UBAC2: variants seen among roughly 807,000 people sequenced by gnomAD.
UBAC2 encodes UBA domain containing 2, also known as ubiquitin-associated domain-containing protein 2.
A neutral mutation model predicts 44.0 loss-of-function variants in UBAC2; 26 were observed. The ratio of observed to expected loss-of-function variants is 0.59; its 90% CI spans 0.43 to 0.82. UBAC2 has a LOEUF of 0.82. Among genes scored for constraint, UBAC2 ranks in the 40% least tolerant of loss-of-function variants. The pLI, the probability that UBAC2 is intolerant of heterozygous loss-of-function variation, is 0.00. For synonymous variants in UBAC2, 155 were observed against 154.3 expected (o/e 1.00, Z -0.04); for missense variants, 329 against 419.4 (o/e 0.78, Z 1.88).
intron 1 of UBAC2, among the ~76,000 whole-genome samples, chr13:99,236,987 AT>A: frequency 6.7e-6 from 1 of 148,612 alleles, no homozygotes; most frequent in Non-Finnish European, 1.5e-5. Context: ...AAAAAAAAAA[AT>A]AAAACTACCA....
At chr13:99,265,639 G>A (rs959147575) in intron 4 of UBAC2, among the ~76,000 whole-genome samples, 1 of 152,154 alleles carries the variant, frequency 6.6e-6, no homozygotes, top group Admixed American at 6.5e-5. Context: ...GACCTGGCAC[G>A]TGCGTCTTCA....
rs1191676390 is a variant in UBAC2 at position 99,243,757 on chromosome 13, A to G, written c.160-75A>G. On this transcript the variant is annotated intron_variant, in intron 2 of 8. Transcript: ENST00000403766. ...GACATTAAAAATAGGCAGTGTAAAC[A>G]TAACAAATTTGCTAAGGAAGAGACC... The G allele has an allele frequency of 1.2e-5, 17 of 1,386,430 alleles. No homozygotes were observed. In the South Asian group the frequency reaches 2.1e-4, roughly 17 times the overall value. 85.9% of individuals were successfully genotyped at this position (1,386,430 alleles called of 1,614,324 possible). A position where few individuals can be genotyped will look rare whatever the true frequency, so the allele number is the denominator to read the frequency against.
At chr13:99,280,641 C>G (rs1325539437) in intron 4 of UBAC2, among the ~76,000 whole-genome samples, 1 of 152,218 alleles carries the variant, frequency 6.6e-6, no homozygotes, top group Admixed American at 6.5e-5. Context: ...ATCTTACTCT[C>G]TCTTACAGCT....
intron 4 of UBAC2, among the ~76,000 whole-genome samples, chr13:99,289,461 G>A (rs1301355263): frequency 6.6e-6 from 1 of 152,204 alleles, no homozygotes; most frequent in Admixed American, 6.5e-5. Context: ...CGAAAGTGTG[G>A]GAGAGGAACT....
intron 4 of UBAC2, among the ~76,000 whole-genome samples, chr13:99,273,002 CTTT>C (rs201905018): frequency 7.7e-6 from 1 of 130,070 alleles, no homozygotes; most frequent in African/African-American, 2.8e-5. Context: ...ACAGGTTACT[CTTT>C]TTTTTTTTTT....
chr13:99,314,012 A>G (rs1441692243), intron 4 of UBAC2, 85 bp from the exon 5 acceptor site: 14 of 1,280,744 alleles, frequency 1.1e-5, no homozygotes, highest in Admixed American at 2.3e-5. Context: ...AAATAAAATT[A>G]TAAGCAGTGT....
intron 1 of UBAC2, among the ~76,000 whole-genome samples, chr13:99,227,231 C>G (rs765476244): frequency 3.9e-5 from 6 of 152,036 alleles, no homozygotes; most frequent in Non-Finnish European, 5.9e-5. Context: ...AAGACGGCAC[C>G]CCTCCTTCCC....
At chr13:99,350,457 G>A (rs1010572059) in intron 7 of UBAC2, among the ~76,000 whole-genome samples, 3 of 152,146 alleles carry the variant, frequency 2.0e-5, no homozygotes, top group Non-Finnish European at 4.4e-5. Context: ...AATGGCCAGT[G>A]ATATAATCAA....
chr13:99,201,147 G>A (rs2042791127), intron 1 of UBAC2: 4 of 1,364,860 alleles, frequency 2.9e-6, no homozygotes, highest in Non-Finnish European at 3.8e-6. Context: ...TGGGGACAAA[G>A]CCCCGCCGCC....
intron 1 of UBAC2, among the ~76,000 whole-genome samples, chr13:99,217,295 G>A (rs1355636697): frequency 1.3e-5 from 2 of 152,158 alleles, no homozygotes; most frequent in African/African-American, 2.4e-5. Context: ...AACTTGCAAG[G>A]GTTTTTCTGC....
At chr13:99,297,202 G>A (rs2044188961) in intron 4 of UBAC2, among the ~76,000 whole-genome samples, 2 of 152,108 alleles carry the variant, frequency 1.3e-5, no homozygotes, top group Admixed American at 1.3e-4. Flanking sequence ...CTACAATAAA[G>A]TTCTGTAGAT....
intron 1 of UBAC2, among the ~76,000 whole-genome samples, chr13:99,222,149 C>T (rs989699668): frequency 6.6e-6 from 1 of 152,160 alleles, no homozygotes; most frequent in Admixed American, 6.5e-5. Context: ...AGGACCCTGT[C>T]TTCACAGGGT....
rs773370310 is a variant in UBAC2, at chr13:99,234,171, CTTTTTTTT to C, written c.32-4234_32-4227del. ...GGGCCGGACATTGTGCTAGCCGTTT[CTTTTTTTT>C]TTTTTTTTTTTTTTTTTTTTTGAGA... is the stretch of plus-strand genomic sequence containing the variant. On this transcript the variant is annotated intron_variant, in intron 1 of 8. Coordinates refer to ENST00000403766, the MANE Select transcript of UBAC2 (RefSeq NM_001144072.2). Among the ~76,000 whole-genome samples, 20 of 61,710 alleles carry C rather than the reference CTTTTTTTT, an allele frequency of 3.2e-4. No individual in the cohort carries two copies. In the South Asian group the frequency reaches 6.0e-3, roughly 19 times the overall value. 40.5% of individuals were successfully genotyped at this position (61,710 alleles called of 152,430 possible).
Position 99,300,660 on chromosome 13 carries a change from C to G in UBAC2, c.390-13437C>G, listed in dbSNP as rs80135501. On this transcript the variant is annotated intron_variant, in intron 4 of 8. Transcript: ENST00000403766. Reference sequence around the variant, plus strand: ...AAATGGTTTTTAGTGCCTCCATGTGCTAGATGCTGGGAATACAGAGATGGT... The same window carrying G: ...AAATGGTTTTTAGTGCCTCCATGTGGTAGATGCTGGGAATACAGAGATGGT... Among the ~76,000 whole-genome samples, 1,476 of 152,260 alleles carry G rather than the reference C, an allele frequency of 9.7e-3. 20 individuals are homozygous for G. Among genetic ancestry groups the G allele is most frequent in the African/African-American group, 0.033 (1,384 of 41,530 alleles).
At chr13:99,221,710 A>G (rs2043053896) in intron 1 of UBAC2, among the ~76,000 whole-genome samples, 1 of 152,128 alleles carries the variant, frequency 6.6e-6, no homozygotes. Flanking sequence ...TAGTTGAGAC[A>G]CATTCACAAG....
chr13:99,341,757 T>A (rs1231846338), intron 7 of UBAC2, among the ~76,000 whole-genome samples: 1 of 152,086 alleles, frequency 6.6e-6, no homozygotes, highest in East Asian at 1.9e-4. Flanking sequence ...TCAAGGAAAC[T>A]GAGAGAAGAG....
At chr13:99,265,146 C>G (rs1039283595) in intron 4 of UBAC2, among the ~76,000 whole-genome samples, 1 of 152,154 alleles carries the variant, frequency 6.6e-6, no homozygotes, top group Non-Finnish European at 1.5e-5. Context: ...TTTACCAGAA[C>G]TCTCCCTTGT....
intron 6 of UBAC2, among the ~76,000 whole-genome samples, chr13:99,324,449 C>A (rs1420051636): frequency 1.3e-5 from 2 of 152,158 alleles, no homozygotes; most frequent in African/African-American, 4.8e-5. Flanking sequence ...TCCTCAGACT[C>A]CAGAATGAAG....
intron 6 of UBAC2, among the ~76,000 whole-genome samples, chr13:99,330,979 A>C (rs1041315075): frequency 6.6e-6 from 1 of 152,258 alleles, no homozygotes; most frequent in Non-Finnish European, 1.5e-5. Context: ...GTTTGTTTAC[A>C]TATAAGAACC....
Sources: allele counts gnomAD v4.1 joint callset (sites outside exome capture counted in the v4.1 genomes callset), GRCh38; gene constraint gnomAD v4.1.1; transcripts MANE v1.5; gene names NCBI Gene and HGNC (gene_info 2026-07-23, HGNC 2026-07-21).